The following ITPR1 variants were observed in gnomAD, a reference collection of about 807,000 sequenced individuals.
ITPR1 encodes inositol 1,4,5-trisphosphate receptor type 1, also known as inositol 1,4,5-trisphosphate-gated calcium channel ITPR1.
Under a neutral mutation model 318.4 loss-of-function variants are expected in ITPR1, and 96 were observed. The observed-to-expected ratio is 0.30, with a 90% CI of 0.26 to 0.36. The LOEUF is 0.36. ITPR1 is among the 10% of genes least tolerant of loss of function. ITPR1 has a pLI of 1.00. For missense variants in ITPR1, 2,440 were observed against 3,460.2 expected, an observed-to-expected ratio of 0.71 and a Z score of 7.40; for synonymous variants, 1,312 against 1,289.9, an observed-to-expected ratio of 1.02 and a Z score of -0.37.
intron 60 of ITPR1, among the ~76,000 whole-genome samples, chr3:4,832,815 G>A (rs867337160): frequency 3.3e-5 from 5 of 152,170 alleles, no homozygotes; most frequent in Admixed American, 6.5e-5. Flanking sequence ...TTACAGGTAC[G>A]CCATGTAGCA....
chr3:4,531,385 C>T (rs2083400885), intron 4 of ITPR1, among the ~76,000 whole-genome samples: 1 of 152,170 alleles, frequency 6.6e-6, no homozygotes, highest in Non-Finnish European at 1.5e-5. Flanking sequence ...AGACTCCTCA[C>T]CTGTTTCTGT....
rs1044521154 is a variant in ITPR1, at chr3:4,779,904, G to A, written c.6387+259G>A. Among the ~76,000 whole-genome samples the A allele has an allele frequency of 1.4e-5, 2 of 144,972 alleles. No homozygotes were observed. The highest frequency in any genetic ancestry group is 6.9e-5 in the Admixed American group (1 of 14,562). Reference sequence around the variant, plus strand: ...CGTTGAAAGTAATGGCAAAAACCGCGATTACTTTTGCACCAACCTATATGA... The same window carrying A: ...CGTTGAAAGTAATGGCAAAAACCGCAATTACTTTTGCACCAACCTATATGA... On this transcript the variant is annotated intron_variant, in intron 49 of 61. Coordinates refer to ENST00000649015, the MANE Select transcript of ITPR1 (RefSeq NM_001378452.1). The surrounding 1 kb of genome is among the most constrained non-coding windows in gnomAD (Gnocchi z 4.0).
chr3:4,613,649 C>A (rs532652557), intron 4 of ITPR1, among the ~76,000 whole-genome samples: 1 of 152,216 alleles, frequency 6.6e-6, no homozygotes, highest in East Asian at 1.9e-4. Flanking sequence ...CAAACCCTGA[C>A]AAAACAAAGC....
chr3:4,604,012 AT>A (rs2091508965), intron 4 of ITPR1, among the ~76,000 whole-genome samples: 1 of 152,108 alleles, frequency 6.6e-6, no homozygotes, highest in Non-Finnish European at 1.5e-5. Flanking sequence ...AAATTTTTTA[AT>A]AGCTATTCTG....
At chr3:4,703,412 A>G (rs543114000) in intron 36 of ITPR1, among the ~76,000 whole-genome samples, 1 of 151,978 alleles carries the variant, frequency 6.6e-6, no homozygotes, top group Non-Finnish European at 1.5e-5. Flanking sequence ...ATGATTCTCC[A>G]TTTCCTCTGT....
intron 44 of ITPR1, among the ~76,000 whole-genome samples, chr3:4,752,497 T>C (rs1288114016): frequency 6.6e-6 from 1 of 152,204 alleles, no homozygotes; most frequent in Non-Finnish European, 1.5e-5. Flanking sequence ...CAGCTGCCTT[T>C]GGCTGGTCTG....
chr3:4,551,449 G>A (rs2085556389), intron 4 of ITPR1, among the ~76,000 whole-genome samples: 1 of 152,172 alleles, frequency 6.6e-6, no homozygotes, highest in Admixed American at 6.5e-5. Context: ...TTTTTTATGA[G>A]AACAGATCTT....
At chr3:4,498,880 C>T (rs1393819274) in intron 2 of ITPR1, among the ~76,000 whole-genome samples, 1 of 152,248 alleles carries the variant, frequency 6.6e-6, no homozygotes, top group Admixed American at 6.5e-5. Flanking sequence ...GACTAATATT[C>T]TGCTCTCCAG....
chr3:4,836,978 CCCACCCACACCCACTATCA>C, intron 61 of ITPR1, 43 bp downstream of exon 61: 1 of 1,451,716 alleles, frequency 6.9e-7, no homozygotes, highest in Non-Finnish European at 9.3e-7. Flanking sequence ...CATCACTATC[CCCACCCACACCCACTATCA>C]CCACACCAAA....
chr3:4,843,074 GTTTTT>G (rs11404208), intron 61 of ITPR1, among the ~76,000 whole-genome samples: 4 of 105,450 alleles, frequency 3.8e-5, no homozygotes, highest in Admixed American at 1.1e-4. Context: ...GTTTTGAGGG[GTTTTT>G]TTTTTTTTTT....
intron 44 of ITPR1, among the ~76,000 whole-genome samples, chr3:4,759,160 CG>C (rs2045248848): frequency 6.6e-6 from 1 of 152,228 alleles, no homozygotes; most frequent in Non-Finnish European, 1.5e-5. Context: ...CCCCTAACCT[CG>C]GGGTGGCTCT....
At chr3:4,634,897 C>G (rs1020320789) in intron 5 of ITPR1, among the ~76,000 whole-genome samples, 23 of 152,334 alleles carry the variant, frequency 1.5e-4, no homozygotes, top group African/African-American at 5.3e-4. Context: ...CACCACCACA[C>G]CTGGCTAATT....
At chr3:4,711,210 C>CAAAAAAAAAAAAAA (rs1169754547) in intron 38 of ITPR1, among the ~76,000 whole-genome samples, 1 of 57,914 alleles carries the variant, frequency 1.7e-5, no homozygotes. Context: ...GACCTTGTCT[C>CAAAAAAAAAAAAAA]AAAAAAAAAA....
At chr3:4,789,979 C>T (rs2047451584) in intron 52 of ITPR1, among the ~76,000 whole-genome samples, 1 of 152,228 alleles carries the variant, frequency 6.6e-6, no homozygotes, top group South Asian at 2.1e-4. Context: ...TTAGCCTTAT[C>T]AGAATATGTG....
intron 4 of ITPR1, among the ~76,000 whole-genome samples, chr3:4,545,908 G>A (rs889028824): frequency 3.2e-4 from 48 of 151,816 alleles, no homozygotes; most frequent in Admixed American, 2.8e-3. Context: ...TGTTACCAAG[G>A]GTGGTTTTGA....
chr3:4,494,476 C>G lies in ITPR1; in HGVS notation c.-47C>G, dbSNP rs1009474214. ...GGATTTGCACCCCTCGCTGGGCTTG[C>G]TTTGGCAACAGAGTGCCTGACCCAG... On this transcript the variant is annotated 5_prime_UTR_variant, in exon 2 of 62. Transcript: ENST00000649015. 2.2e-4 allele frequency: 34 copies of G among 152,432 alleles called. No homozygotes were observed. Among genetic ancestry groups the G allele is most frequent in the African/African-American group, 7.7e-4 (32 of 41,592 alleles). 9.4% of individuals were successfully genotyped at this position (152,432 alleles called of 1,614,324 possible).
In ITPR1 at chr3:4,683,570, G is replaced by C. The variant is rs372294221; in HGVS notation, c.3327+19G>C. On this transcript the variant is annotated intron_variant, in intron 27 of 61. Transcript: ENST00000649015. Reference sequence around the variant, plus strand: ...CAAACAGGTAGCTCAGGTCACCCACGTGTGTGTTGTCTGTCCAAGAAGCTG... The same window carrying C: ...CAAACAGGTAGCTCAGGTCACCCACCTGTGTGTTGTCTGTCCAAGAAGCTG... 5.0e-6 allele frequency: 8 copies of C among 1,613,594 alleles called. No homozygotes were observed. The highest frequency in any genetic ancestry group is 6.8e-6 in the Non-Finnish European group (8 of 1,179,606).
intron 34 of ITPR1, 41 bp downstream of exon 34, chr3:4,697,313 GA>G (rs770760067): frequency 3.1e-4 from 388 of 1,240,192 alleles, no homozygotes; most frequent in Non-Finnish European, 3.8e-4. Flanking sequence ...TGGAGAGTGA[GA>G]GGTGTGTGTG....
At chr3:4,528,565 C>T (rs528450676) in intron 4 of ITPR1, among the ~76,000 whole-genome samples, 11 of 152,262 alleles carry the variant, frequency 7.2e-5, no homozygotes, top group African/African-American at 2.4e-4. Context: ...CCGTATCTTA[C>T]TTAGTTTTAA....
Sources: allele counts gnomAD v4.1 joint callset (sites outside exome capture counted in the v4.1 genomes callset), GRCh38; gene constraint gnomAD v4.1.1; non-coding constraint Gnocchi (gnomAD v3.1); transcripts MANE v1.5; gene names NCBI Gene and HGNC (gene_info 2026-07-23, HGNC 2026-07-21).